Variants in SEMA3C observed in about 807,000 individuals in gnomAD.
SEMA3C encodes the protein semaphorin 3C, also known as semaphorin-3C.
SEMA3C carries 47 observed loss-of-function variants against 89.4 expected under a neutral mutation model. The ratio of observed to expected loss-of-function variants is 0.53; its 90% confidence interval spans 0.42 to 0.67. The LOEUF (loss-of-function observed/expected upper bound fraction) is 0.67, where lower values mean the gene tolerates loss of function less well. Among genes scored for constraint, SEMA3C ranks in the 30% least tolerant of loss-of-function variants. The probability of loss-of-function intolerance (pLI) is 0.00; values close to 1 mark genes in which losing one functional copy is unlikely to be tolerated. For missense variants in SEMA3C, 839 were observed against 929.1 expected (o/e 0.90, Z 1.26); for synonymous variants, 310 against 320.2 (o/e 0.97, Z 0.34).
chr7:80,878,883 A>G (rs757015939), intron 2 of SEMA3C, among the ~76,000 whole-genome samples: 8 of 152,168 alleles, frequency 5.3e-5, no homozygotes, highest in Non-Finnish European at 1.2e-4. Context: ...ATATTAGAAA[A>G]AAAAGTTGTT....
chr7:80,905,925 G>C (rs2116218312), intron 2 of SEMA3C: 1 of 1,279,526 alleles, frequency 7.8e-7, no homozygotes, highest in Non-Finnish European at 1.0e-6. Context: ...CTCTGGAAAA[G>C]AGTCATGGAA....
At chr7:80,919,265 C>A, upstream of SEMA3C, 1 of 985,278 alleles carries the variant, frequency 1.0e-6, no homozygotes, top group East Asian at 1.1e-4. Context: ...GCGGGGCCGA[C>A]CCTTAGAGCT....
chr7:80,748,523 C>G (rs1164248505), intron 17 of SEMA3C, among the ~76,000 whole-genome samples: 1 of 152,104 alleles, frequency 6.6e-6, no homozygotes, highest in African/African-American at 2.4e-5. Context: ...CTGAGGAAAA[C>G]TGAACTTTTT....
intron 6 of SEMA3C, among the ~76,000 whole-genome samples, chr7:80,808,343 G>A (rs1340401905): frequency 2.0e-5 from 3 of 152,090 alleles, no homozygotes; most frequent in African/African-American, 7.2e-5. Context: ...ACACCACATG[G>A]TTTCTGAAGG....
At chr7:80,899,950 T>G (rs1288129582) in intron 2 of SEMA3C, among the ~76,000 whole-genome samples, 2 of 152,204 alleles carry the variant, frequency 1.3e-5, no homozygotes, top group East Asian at 3.8e-4. Context: ...TTTTAAAATC[T>G]GTGTAAATTT....
intron 2 of SEMA3C, among the ~76,000 whole-genome samples, chr7:80,874,733 G>A (rs1006691535): frequency 1.3e-5 from 2 of 152,046 alleles, no homozygotes; most frequent in African/African-American, 4.8e-5. Context: ...CTCCCAAAGT[G>A]CAGGGATTAC....
chr7:80,879,426 G>A (rs970508763), intron 2 of SEMA3C, among the ~76,000 whole-genome samples: 13 of 152,090 alleles, frequency 8.5e-5, no homozygotes, highest in African/African-American at 3.1e-4. Context: ...GCAGGGTAAG[G>A]GGCAAGAGAG....
chr7:80,807,986 A>C (rs1789381348), intron 6 of SEMA3C, among the ~76,000 whole-genome samples: 1 of 152,190 alleles, frequency 6.6e-6, no homozygotes, highest in African/African-American at 2.4e-5. Context: ...CAAATTGTTT[A>C]GTGACTTTCA....
At chr7:80,855,917 T>C (rs1790627577) in intron 2 of SEMA3C, among the ~76,000 whole-genome samples, 1 of 152,164 alleles carries the variant, frequency 6.6e-6, no homozygotes, top group African/African-American at 2.4e-5. Flanking sequence ...CATGTTACGT[T>C]TTAACTAGAC....
At position 80,808,036 on chromosome 7, in the gene SEMA3C, A is replaced by G. The variant is rs189453454; in HGVS notation, c.539-2278T>C. On this transcript the variant is annotated intron_variant, in intron 6 of 17. Transcript: ENST00000265361. ...GTAAAGTTACTCAAATGTTAAAAGT[A>G]GTATAGGAACATGAGCATAGGAATT... is the stretch of plus-strand genomic sequence containing the variant. Among the ~76,000 whole-genome samples the G allele has an allele frequency of 1.6e-3, 243 of 152,314 alleles. 2 individuals are homozygous for G. The highest frequency in any genetic ancestry group is 5.4e-3 in the African/African-American group (223 of 41,578).
At position 80,769,243 on chromosome 7, in the gene SEMA3C, A is replaced by G. The variant is rs550517373; in HGVS notation, c.1355-4000T>C. Among the ~76,000 whole-genome samples the G allele has an allele frequency of 3.9e-5, 6 of 152,288 alleles. No homozygotes were observed. The South Asian group carries it at 8.3e-4, about 21-fold the overall frequency. On this transcript the variant is annotated intron_variant, in intron 12 of 17. Transcript: ENST00000265361. The stretch of plus-strand genomic sequence containing the variant: ...AATTCCACTCTTTTAGTTATTTTAA[A>G]ATATACAATAAATTACTCTTAACTA...
intron 11 of SEMA3C, among the ~76,000 whole-genome samples, chr7:80,794,039 G>A (rs1273100903): frequency 6.6e-6 from 1 of 151,988 alleles, no homozygotes; most frequent in African/African-American, 2.4e-5. Context: ...TTACATAGTT[G>A]AAGACTTGTG....
chr7:80,851,911 AAAAGT>A (rs1790522670), intron 2 of SEMA3C, among the ~76,000 whole-genome samples: 1 of 152,234 alleles, frequency 6.6e-6, no homozygotes, highest in African/African-American at 2.4e-5. Context: ...TAGAAACTAT[AAAAGT>A]AAAGATATTA....
Position 80,779,011 on chromosome 7 carries a change from A to G in SEMA3C, c.1354+10295T>C, listed in dbSNP as rs116350431. ...TTCAAGCATTTTCATGGATTCAGCT[A>G]TCACCCACATTGCTAATGACTCCCA... is the stretch of plus-strand genomic sequence containing the variant. On this transcript the variant is annotated intron_variant, in intron 12 of 17. Transcript: ENST00000265361. Among the ~76,000 whole-genome samples the G allele has an allele frequency of 2.0e-3, 311 of 152,256 alleles. 1 individual carries two copies. Among genetic ancestry groups the G allele is most frequent in the African/African-American group, 7.1e-3 (295 of 41,570 alleles).
chr7:80,806,063 T>C (rs993362539), intron 6 of SEMA3C, among the ~76,000 whole-genome samples: 10 of 152,002 alleles, frequency 6.6e-5, no homozygotes, highest in African/African-American at 1.9e-4. Flanking sequence ...AATTTTTATA[T>C]AGAGTCTATC....
chr7:80,828,777 A>T, intron 2 of SEMA3C, 32 bp from the exon 3 acceptor site: 1 of 1,500,070 alleles, frequency 6.7e-7, no homozygotes, highest in Non-Finnish European at 9.0e-7. Flanking sequence ...GTGTAGATAC[A>T]GTATCCTGGT....
intron 12 of SEMA3C, among the ~76,000 whole-genome samples, chr7:80,768,341 G>A (rs1047825141): frequency 5.9e-5 from 9 of 151,932 alleles, no homozygotes; most frequent in East Asian, 3.9e-4. Context: ...GTGAAACCCC[G>A]TCTCTACTAA....
At chr7:80,753,798 T>A (rs1787992218) in intron 15 of SEMA3C, among the ~76,000 whole-genome samples, 2 of 152,242 alleles carry the variant, frequency 1.3e-5, no homozygotes, top group Non-Finnish European at 2.9e-5. Context: ...ATAAAGTTTC[T>A]AACTACTTGT....
At chr7:80,762,721 G>A (rs1036332696) in intron 13 of SEMA3C, among the ~76,000 whole-genome samples, 5 of 152,284 alleles carry the variant, frequency 3.3e-5, no homozygotes, top group African/African-American at 1.2e-4. Context: ...GATAAGGCAG[G>A]AGAATTGCTT....
Sources: allele counts gnomAD v4.1 joint callset (sites outside exome capture counted in the v4.1 genomes callset), GRCh38; gene constraint gnomAD v4.1.1; transcripts MANE v1.5; gene names NCBI Gene and HGNC (gene_info 2026-07-23, HGNC 2026-07-21).